Variants in ZMYM1 observed in about 807,000 individuals in gnomAD.
The protein encoded by ZMYM1 is zinc finger MYM-type containing 1, also known as zinc finger MYM-type protein 1.
ZMYM1 carries 39 observed loss-of-function variants against 60.0 expected under a neutral mutation model. The ratio of observed to expected loss-of-function variants is 0.65; its 90% CI spans 0.50 to 0.85. The LOEUF is 0.85. ZMYM1 is among the 40% of genes least tolerant of loss of function. ZMYM1 has a pLI of 0.00. For synonymous variants in ZMYM1, 413 were observed against 454.0 expected, an observed-to-expected ratio of 0.91 and a Z score of 1.15; for missense variants, 1,171 against 1,309.5, an observed-to-expected ratio of 0.89 and a Z score of 1.63.
chr1:35,064,847 C>T (rs555459645), intron 1 of ZMYM1, among the ~76,000 whole-genome samples: 2 of 151,874 alleles, frequency 1.3e-5, no homozygotes, highest in Admixed American at 1.3e-4. Context: ...GCCACCACAC[C>T]CGGCTAATTT....
chr1:35,096,111 G>A (rs554555621), intron 3 of ZMYM1, among the ~76,000 whole-genome samples: 36 of 152,034 alleles, frequency 2.4e-4, no homozygotes, highest in Non-Finnish European at 3.2e-4. Context: ...TCAGGAATTC[G>A]AGACCAGTTT....
At position 35,115,179 on chromosome 1, in the gene ZMYM1, G is replaced by C. The variant is rs1644227823; in HGVS notation, c.3349G>C (p.Glu1117Gln). 6.2e-7 allele frequency: 1 copy of C among 1,613,402 alleles called. No homozygotes were observed. Among genetic ancestry groups the C allele is most frequent in the Non-Finnish European group, 8.5e-7 (1 of 1,179,834 alleles). ...TGPALMAVEQELVNKLMEPER... is the reference protein window; with the variant it reads ...TGPALMAVEQQLVNKLMEPER... ...CCCAGCCCTAATGGCTGTTGAGCAG[G>C]AGTTGGTAAATAAACTAATGGAGCC... The change falls in exon 10 of 10, where the codon GAG (glutamate) becomes CAG (glutamine). Residue 1117 changes from glutamate (E) to glutamine (Q), a missense_variant. Glu to Gln is a conservative substitution (Grantham distance 29, BLOSUM62 2). Coordinates refer to ENST00000359858, the MANE Select transcript of ZMYM1 (RefSeq NM_024772.5).
intron 1 of ZMYM1, among the ~76,000 whole-genome samples, chr1:35,066,857 A>T (rs1241842882): frequency 6.6e-6 from 1 of 152,212 alleles, no homozygotes; most frequent in East Asian, 1.9e-4. Context: ...CTCAAAAAAA[A>T]ATCTCAGCAG....
downstream of ZMYM1, among the ~76,000 whole-genome samples, chr1:35,118,623 C>T (rs1557737099): frequency 6.6e-6 from 1 of 151,922 alleles, no homozygotes; most frequent in Non-Finnish European, 1.5e-5. Context: ...AGGAGAATGG[C>T]GTGAACCCGG....
chr1:35,075,982 C>A (rs1284584769), upstream of ZMYM1, among the ~76,000 whole-genome samples: 2 of 152,114 alleles, frequency 1.3e-5, no homozygotes, highest in African/African-American at 2.4e-5. Flanking sequence ...ATCCAGAACA[C>A]CAAATACAAC....
intron 4 of ZMYM1, among the ~76,000 whole-genome samples, chr1:35,100,978 A>G (rs943308255): frequency 2.6e-5 from 4 of 151,204 alleles, no homozygotes; most frequent in African/African-American, 4.9e-5. Flanking sequence ...CAGTTTTTGT[A>G]TTTTTTTGTA....
intron 1 of ZMYM1, among the ~76,000 whole-genome samples, chr1:35,079,808 A>AT (rs931688658): frequency 3.3e-5 from 5 of 152,026 alleles, no homozygotes; most frequent in Non-Finnish European, 7.4e-5. Context: ...TTGAGCAGTG[A>AT]TTTTTCAAAA....
At chr1:35,110,547 CT>C in intron 7 of ZMYM1, 100 bp downstream of exon 7, 1 of 1,013,112 alleles carries the variant, frequency 9.9e-7, no homozygotes, top group Non-Finnish European at 1.3e-6. Context: ...ATTAAACCGA[CT>C]TTTAAAAGTC....
At chr1:35,096,309 C>CT (rs976989515) in intron 3 of ZMYM1, among the ~76,000 whole-genome samples, 6 of 140,498 alleles carry the variant, frequency 4.3e-5, no homozygotes, top group Non-Finnish European at 4.6e-5. Flanking sequence ...GAGACTCTGT[C>CT]TAAAAAAAAA....
At chr1:35,109,891 C>T (rs548219798) in intron 6 of ZMYM1, among the ~76,000 whole-genome samples, 1 of 152,172 alleles carries the variant, frequency 6.6e-6, no homozygotes, top group East Asian at 1.9e-4. Flanking sequence ...TGATTACAGG[C>T]GCTCGCCACT....
chr1:35,090,054 T>A (rs1032743336), intron 1 of ZMYM1, among the ~76,000 whole-genome samples: 129 of 151,944 alleles, frequency 8.5e-4, no homozygotes, highest in African/African-American at 3.0e-3. Flanking sequence ...TACAGACACC[T>A]GCCACCACGC....
At chr1:35,070,086 A>G (rs1000780707) in intron 1 of ZMYM1, among the ~76,000 whole-genome samples, 8 of 152,138 alleles carry the variant, frequency 5.3e-5, no homozygotes, top group African/African-American at 1.9e-4. Flanking sequence ...TTGTGGTTCC[A>G]TTTGAATTTT....
At chr1:35,062,860 A>T (rs1641900320) in intron 1 of ZMYM1, among the ~76,000 whole-genome samples, 1 of 152,212 alleles carries the variant, frequency 6.6e-6, no homozygotes, top group Non-Finnish European at 1.5e-5. Flanking sequence ...CTAATGCTAA[A>T]ATAAACCTTA....
chr1:35,076,671 G>A (rs1323577957), upstream of ZMYM1, among the ~76,000 whole-genome samples: 6 of 148,690 alleles, frequency 4.0e-5, no homozygotes, highest in Admixed American at 2.0e-4. Context: ...GTTGACTCAC[G>A]CCTGTAATCA....
At chr1:35,107,243 G>A (rs1157926651) in intron 6 of ZMYM1, among the ~76,000 whole-genome samples, 2 of 147,662 alleles carry the variant, frequency 1.4e-5, no homozygotes, top group East Asian at 2.0e-4. Flanking sequence ...GGTGGATCAC[G>A]AGGTCAGGAG....
chr1:35,064,263 A>G (rs1641926997), intron 1 of ZMYM1, among the ~76,000 whole-genome samples: 1 of 146,266 alleles, frequency 6.8e-6, no homozygotes, highest in Non-Finnish European at 1.5e-5. Flanking sequence ...GTTTAAGGCC[A>G]GCCTGGGAAA....
upstream of ZMYM1, among the ~76,000 whole-genome samples, chr1:35,074,462 G>A (rs937118665): frequency 3.3e-5 from 5 of 151,948 alleles, no homozygotes; most frequent in Non-Finnish European, 7.4e-5. Context: ...AGGCTGGAGT[G>A]CAGTGGCGCC....
At chr1:35,074,855 ATTT>A (rs35087634), upstream of ZMYM1, among the ~76,000 whole-genome samples, 10 of 147,798 alleles carry the variant, frequency 6.8e-5, no homozygotes, top group African/African-American at 2.5e-4. Context: ...ACACATATAT[ATTT>A]TTTTTTTTTT....
At chr1:35,088,434 GTA>G (rs58346528) in intron 1 of ZMYM1, among the ~76,000 whole-genome samples, 975 of 68,048 alleles carry the variant, frequency 0.014, 24 homozygotes, top group African/African-American at 0.041. Context: ...GTGTTTATGT[GTA>G]TATATATATA....
Sources: gnomAD v4.1 joint callset for allele counts (sites outside exome capture counted in the v4.1 genomes callset) on GRCh38, gnomAD v4.1.1 for gene constraint, MANE v1.5 for transcripts, NCBI Gene and HGNC (gene_info 2026-07-23, HGNC 2026-07-21) for gene names.